PIGL: variants seen among roughly 807,000 people sequenced by gnomAD.
The protein encoded by PIGL is phosphatidylinositol glycan anchor biosynthesis class L, also known as N-acetylglucosaminyl-phosphatidylinositol de-N-acetylase.
Under a neutral mutation model 31.1 loss-of-function variants are expected in PIGL, and 22 were observed. The observed-to-expected ratio is 0.71, with a 90% CI of 0.51 to 1.01. The LOEUF (loss-of-function observed/expected upper bound fraction) is 1.01. Ranked by LOEUF, PIGL falls within the 50% of genes least tolerant of loss-of-function variation. PIGL has a pLI of 0.00. For synonymous variants in PIGL, 131 were observed against 117.4 expected, an observed-to-expected ratio of 1.12 and a Z score of -0.75; for missense variants, 302 against 315.9, an observed-to-expected ratio of 0.96 and a Z score of 0.33.
intron 2 of PIGL, among the ~76,000 whole-genome samples, chr17:16,241,314 T>C (rs2092722417): frequency 6.6e-6 from 1 of 151,426 alleles, no homozygotes; most frequent in Non-Finnish European, 1.5e-5. Context: ...GTGGGCTGGG[T>C]GCAGTGGCTC....
At chr17:16,317,961 C>CA (rs2093085594) in intron 6 of PIGL, 53 bp downstream of exon 6, 2 of 1,489,982 alleles carry the variant, frequency 1.3e-6, no homozygotes, top group African/African-American at 1.4e-5. Context: ...CCCCAGACCC[C>CA]TGTCTCCTCA....
intron 2 of PIGL, among the ~76,000 whole-genome samples, chr17:16,244,267 G>A (rs1201364080): frequency 6.6e-6 from 1 of 152,188 alleles, no homozygotes; most frequent in East Asian, 1.9e-4. Flanking sequence ...GGAAAGGGCT[G>A]TTACCGTCTT....
At chr17:16,243,714 AGAT>A (rs2092732560) in intron 2 of PIGL, among the ~76,000 whole-genome samples, 1 of 152,212 alleles carries the variant, frequency 6.6e-6, no homozygotes, top group Admixed American at 6.5e-5. Context: ...TTGTTTTCAA[AGAT>A]GATATCCCAC....
At chr17:16,261,118 C>CA (rs34019457) in intron 2 of PIGL, among the ~76,000 whole-genome samples, 297 of 118,922 alleles carry the variant, frequency 2.5e-3, no homozygotes, top group East Asian at 7.8e-3. Flanking sequence ...GACTCTATCT[C>CA]AAAAAAAAAA....
chr17:16,257,410 T>C (rs2092798603), intron 2 of PIGL, among the ~76,000 whole-genome samples: 1 of 127,124 alleles, frequency 7.9e-6, no homozygotes. Context: ...AGAGTAAAAC[T>C]CCATCTAAAA....
chr17:16,274,117 A>T (rs2092883633), intron 2 of PIGL, among the ~76,000 whole-genome samples: 1 of 152,210 alleles, frequency 6.6e-6, no homozygotes, highest in South Asian at 2.1e-4. Flanking sequence ...TCTGAAGCTA[A>T]CTGTCACAAA....
chr17:16,243,030 A>G (rs1363569469), intron 2 of PIGL, among the ~76,000 whole-genome samples: 1 of 152,100 alleles, frequency 6.6e-6, no homozygotes, highest in East Asian at 1.9e-4. Flanking sequence ...TTAACCATTA[A>G]CTGTGTTGTT....
intron 6 of PIGL, among the ~76,000 whole-genome samples, chr17:16,320,237 GGAAGGAA>G (rs2093097987): frequency 8.9e-6 from 1 of 112,226 alleles, no homozygotes; most frequent in East Asian, 3.2e-4. Flanking sequence ...AAGGAAGGAA[GGAAGGAA>G]GGAAGGAAAG....
At chr17:16,308,299 T>C in intron 3 of PIGL, among the ~76,000 whole-genome samples, 1 of 150,994 alleles carries the variant, frequency 6.6e-6, no homozygotes, top group African/African-American at 2.5e-5. Context: ...GCCACTGCAC[T>C]CCAGTCTGGG....
intron 1 of PIGL, among the ~76,000 whole-genome samples, chr17:16,221,168 T>A (rs991933976): frequency 6.6e-6 from 1 of 152,074 alleles, no homozygotes; most frequent in Non-Finnish European, 1.5e-5. Context: ...TTTGAAAAAA[T>A]TTTCAATTCT....
intron 2 of PIGL, among the ~76,000 whole-genome samples, chr17:16,296,072 C>T (rs1045327023): frequency 6.6e-6 from 1 of 152,142 alleles, no homozygotes; most frequent in Non-Finnish European, 1.5e-5. Context: ...TGAGCTTGCA[C>T]CTCCATATTT....
At chr17:16,292,692 G>A (rs2092966057) in intron 2 of PIGL, among the ~76,000 whole-genome samples, 1 of 152,168 alleles carries the variant, frequency 6.6e-6, no homozygotes, top group African/African-American at 2.4e-5. Flanking sequence ...TGAGAATTTG[G>A]CTTTGCTGCA....
Position 16,311,785 on chromosome 17 carries a change from G to C in PIGL, c.427-1762G>C, listed in dbSNP as rs374807038. The stretch of plus-strand genomic sequence containing the variant: ...GAGCACAGGGTTGGGGGTAAGGTCA[G>C]AGATCAACAGCATCGCAAGGCAGAA... On this transcript the variant is annotated intron_variant, in intron 3 of 6. Coordinates refer to ENST00000225609, the MANE Select transcript of PIGL (RefSeq NM_004278.4). Among the ~76,000 whole-genome samples the C allele has an allele frequency of 3.4e-4, 51 of 152,134 alleles. 1 individual carries two copies. In the East Asian group the frequency reaches 3.5e-3, roughly 10 times the overall value.
At chr17:16,300,193 C>G in intron 3 of PIGL, 1 of 531,348 alleles carries the variant, frequency 1.9e-6, no homozygotes, top group Non-Finnish European at 3.4e-6. Context: ...GACTGAATAA[C>G]TAAATTATCA....
intron 1 of PIGL, among the ~76,000 whole-genome samples, chr17:16,222,992 A>G (rs968288470): frequency 6.6e-6 from 1 of 152,152 alleles, no homozygotes; most frequent in Non-Finnish European, 1.5e-5. Context: ...AGCCTGGGCA[A>G]TAGAGCAAGA....
chr17:16,271,400 C>T (rs2092871492), intron 2 of PIGL, among the ~76,000 whole-genome samples: 1 of 152,160 alleles, frequency 6.6e-6, no homozygotes, highest in African/African-American at 2.4e-5. Flanking sequence ...GTTCAATAAA[C>T]AGAATAATTG....
chr17:16,261,071 A>C (rs994191836), intron 2 of PIGL, among the ~76,000 whole-genome samples: 14 of 151,406 alleles, frequency 9.2e-5, no homozygotes, highest in African/African-American at 3.4e-4. Flanking sequence ...GTGAGCCAAG[A>C]TCATGCTACT....
At chr17:16,322,860 G>T (rs1432296777) in intron 6 of PIGL, among the ~76,000 whole-genome samples, 1 of 151,982 alleles carries the variant, frequency 6.6e-6, no homozygotes, top group Admixed American at 6.6e-5. Flanking sequence ...CATTTTTGTG[G>T]TTTTTGTTGA....
intron 6 of PIGL, 105 bp from the exon 7 acceptor site, chr17:16,325,695 G>A: frequency 1.2e-6 from 1 of 829,858 alleles, no homozygotes; most frequent in Non-Finnish European, 2.0e-6. Flanking sequence ...ATAGCATGAA[G>A]CATATTAGTT....
Sources: allele counts gnomAD v4.1 joint callset (sites outside exome capture counted in the v4.1 genomes callset), GRCh38; gene constraint gnomAD v4.1.1; transcripts MANE v1.5; gene names NCBI Gene and HGNC (gene_info 2026-07-23, HGNC 2026-07-21).